Variants in GLT8D2 observed in about 807,000 individuals in gnomAD.
GLT8D2 encodes glycosyltransferase 8 domain containing 2, also known as glycosyltransferase 8 domain-containing protein 2.
Under a neutral mutation model 44.5 loss-of-function variants are expected in GLT8D2, and 45 were observed. The ratio of observed to expected loss-of-function variants is 1.01; its 90% CI spans 0.80 to 1.30. The LOEUF (loss-of-function observed/expected upper bound fraction) is 1.30, where lower values mean the gene tolerates loss of function less well. Ranked by LOEUF, GLT8D2 falls within the 50% of genes most tolerant of loss-of-function variation. The probability of loss-of-function intolerance (pLI) is 0.00; values close to 1 mark genes in which losing one functional copy is unlikely to be tolerated. For missense variants in GLT8D2, 400 were observed against 430.4 expected, an observed-to-expected ratio of 0.93 and a Z score of 0.62; for synonymous variants, 156 against 157.2, an observed-to-expected ratio of 0.99 and a Z score of 0.06.
intron 1 of GLT8D2, among the ~76,000 whole-genome samples, chr12:104,026,987 G>A (rs1222409571): frequency 6.6e-6 from 1 of 152,200 alleles, no homozygotes; most frequent in African/African-American, 2.4e-5. Flanking sequence ...AGAAAGGAAG[G>A]ATATCATAGG....
intron 1 of GLT8D2, among the ~76,000 whole-genome samples, chr12:104,021,951 GAA>G (rs1877839271): frequency 1.1e-4 from 2 of 17,576 alleles, no homozygotes; most frequent in African/African-American, 1.9e-4. Context: ...AGAAGAAGAA[GAA>G]GAGGAAGAAG....
At chr12:104,050,509 T>C (rs146042667), upstream of GLT8D2, among the ~76,000 whole-genome samples, 573 of 152,294 alleles carry the variant, frequency 3.8e-3, 1 homozygote, top group Middle Eastern at 6.8e-3. Flanking sequence ...GGTCTTCTTC[T>C]ACCAAGGCAA....
intron 10 of GLT8D2, among the ~76,000 whole-genome samples, chr12:103,990,375 A>G (rs74366368): frequency 0.1 from 15,303 of 152,018 alleles, 958 homozygotes; most frequent in African/African-American, 0.17. Flanking sequence ...ACAAACAGCT[A>G]TCTATCTCCA....
intron 9 of GLT8D2, chr12:103,993,838 T>C: frequency 4.8e-6 from 1 of 208,306 alleles, no homozygotes; most frequent in African/African-American, 2.3e-5. Context: ...TATGATGGTA[T>C]TAAAATATCC....
At chr12:104,021,785 A>G (rs1877674831) in intron 1 of GLT8D2, among the ~76,000 whole-genome samples, 1 of 150,550 alleles carries the variant, frequency 6.6e-6, no homozygotes, top group South Asian at 2.1e-4. Flanking sequence ...CCTGTTTTAA[A>G]AAAGAAAAAG....
At chr12:104,064,422 C>T (rs1882972327), upstream of GLT8D2, 2 of 773,432 alleles carry the variant, frequency 2.6e-6, no homozygotes, top group South Asian at 5.6e-5. This position sits in a 1 kb window ranked among gnomAD's most constrained non-coding sequence, Gnocchi z 7.3. Context: ...CTCCACTGCC[C>T]GCGGGCCTCC....
At chr12:104,005,695 A>G (rs1339026939) in intron 4 of GLT8D2, among the ~76,000 whole-genome samples, 1 of 152,224 alleles carries the variant, frequency 6.6e-6, no homozygotes, top group African/African-American at 2.4e-5. Flanking sequence ...ACCATCTCAC[A>G]CCAGTTAGAA....
At chr12:104,034,421 C>T (rs994842933) in intron 1 of GLT8D2, among the ~76,000 whole-genome samples, 2 of 152,372 alleles carry the variant, frequency 1.3e-5, no homozygotes, top group Middle Eastern at 3.4e-3. Context: ...CCTGGAAAAA[C>T]GGGACACTCC....
At chr12:104,044,965 AACATCATG>A (rs1333903565) in intron 1 of GLT8D2, among the ~76,000 whole-genome samples, 3 of 152,230 alleles carry the variant, frequency 2.0e-5, no homozygotes, top group Non-Finnish European at 4.4e-5. Flanking sequence ...GGAAGTTGTA[AACATCATG>A]ACACTTCTCC....
chr12:104,021,875 AG>A (rs1877712435), intron 1 of GLT8D2, among the ~76,000 whole-genome samples: 1 of 25,634 alleles, frequency 3.9e-5, no homozygotes, highest in Admixed American at 4.5e-4. Flanking sequence ...AGAAAGAAGA[AG>A]AAGAAGAAGA....
At chr12:104,033,226 C>A (rs1390225877) in intron 1 of GLT8D2, among the ~76,000 whole-genome samples, 1 of 151,890 alleles carries the variant, frequency 6.6e-6, no homozygotes, top group Non-Finnish European at 1.5e-5. Flanking sequence ...TAACCTGTGT[C>A]CATAAATGGA....
intron 1 of GLT8D2, chr12:104,030,817 G>A: frequency 6.2e-7 from 1 of 1,602,790 alleles, no homozygotes; most frequent in Non-Finnish European, 8.5e-7. Context: ...GGCACGGCGA[G>A]AGCGCATGGA....
intron 1 of GLT8D2, among the ~76,000 whole-genome samples, chr12:104,048,744 G>A (rs184315364): frequency 1.9e-4 from 29 of 152,300 alleles, no homozygotes; most frequent in Non-Finnish European, 4.0e-4. Context: ...GCCAAAAACA[G>A]GATGCATGAT....
intron 1 of GLT8D2, among the ~76,000 whole-genome samples, chr12:104,055,337 G>A (rs1300133124): frequency 6.6e-6 from 1 of 152,224 alleles, no homozygotes; most frequent in Non-Finnish European, 1.5e-5. Context: ...GAAGGGTGGA[G>A]AGTAGATCTG....
In GLT8D2 at chr12:104,003,324, G is replaced by A. The variant is rs1566193580; in HGVS notation, c.113-18C>T. ...TTCATCATCTGGAAACATAAAAACT[G>A]GTGTCTTGGAACATGAAAGAATTTC... On this transcript the variant is annotated intron_variant, in intron 4 of 10. Coordinates refer to ENST00000360814, the MANE Select transcript of GLT8D2 (RefSeq NM_001384711.1). 1 of 1,612,230 alleles carries A rather than the reference G, an allele frequency of 6.2e-7. No homozygotes were observed.
chr12:103,992,037 G>A (rs1179304515), intron 10 of GLT8D2, among the ~76,000 whole-genome samples: 2 of 152,014 alleles, frequency 1.3e-5, no homozygotes, highest in African/African-American at 2.4e-5. Context: ...AACTTCTTTG[G>A]CAGTAAAACC....
intron 1 of GLT8D2, 56 bp from the exon 2 acceptor site, chr12:104,021,547 A>T (rs1015005023): frequency 1.3e-5 from 2 of 152,312 alleles, no homozygotes; most frequent in African/African-American, 4.8e-5. Flanking sequence ...TTGGAGGCCG[A>T]GGTGGGCAGA....
chr12:104,011,324 T>C (rs1009096344), intron 4 of GLT8D2, among the ~76,000 whole-genome samples: 71 of 152,336 alleles, frequency 4.7e-4, no homozygotes, highest in African/African-American at 1.7e-3. Flanking sequence ...CTAACAAAAA[T>C]AGTAAACATC....
chr12:104,040,900 G>A (rs920849371), intron 1 of GLT8D2, among the ~76,000 whole-genome samples: 2 of 152,150 alleles, frequency 1.3e-5, no homozygotes, highest in African/African-American at 2.4e-5. Context: ...AAAGTGATTG[G>A]GGAGTCAGCA....
Sources: allele counts gnomAD v4.1 joint callset (sites outside exome capture counted in the v4.1 genomes callset), GRCh38; gene constraint gnomAD v4.1.1; non-coding constraint Gnocchi (gnomAD v3.1); transcripts MANE v1.5; gene names NCBI Gene and HGNC (gene_info 2026-07-23, HGNC 2026-07-21).